Variants in GLI2 observed in about 807,000 individuals in gnomAD.
GLI2 encodes GLI family zinc finger 2.
Under a neutral mutation model 78.9 loss-of-function variants are expected in GLI2, and 22 were observed. The observed-to-expected ratio is 0.28, with a 90% CI of 0.20 to 0.40. The LOEUF (loss-of-function observed/expected upper bound fraction) is 0.40. Among genes scored for constraint, GLI2 ranks in the 10% least tolerant of loss-of-function variants. The pLI, the probability that GLI2 is intolerant of heterozygous loss-of-function variation, is 1.00. For synonymous variants in GLI2, 974 were observed against 963.7 expected (o/e 1.01, Z -0.20); for missense variants, 2,097 against 2,213.2 (o/e 0.95, Z 1.05).
intron 1 of GLI2, among the ~76,000 whole-genome samples, chr2:120,753,798 C>A (rs776503): frequency 6.6e-6 from 1 of 151,236 alleles, no homozygotes. Context: ...CTCGGGAGGC[C>A]GAGGCAGGAG....
At chr2:120,861,774 C>T (rs1558839802) in intron 2 of GLI2, among the ~76,000 whole-genome samples, 2 of 152,304 alleles carry the variant, frequency 1.3e-5, no homozygotes, top group Non-Finnish European at 2.9e-5. Context: ...AGAAATGTGA[C>T]TTCCCTGCCT....
At chr2:120,754,100 G>A (rs1453173924) in intron 1 of GLI2, among the ~76,000 whole-genome samples, 2 of 151,866 alleles carry the variant, frequency 1.3e-5, no homozygotes, top group East Asian at 3.9e-4. Context: ...ACCGTATAGG[G>A]TACATTATAA....
intron 2 of GLI2, among the ~76,000 whole-genome samples, chr2:120,812,660 C>T (rs967153680): frequency 2.0e-5 from 3 of 152,208 alleles, no homozygotes; most frequent in African/African-American, 7.2e-5. Flanking sequence ...CCCATGGTCT[C>T]TGTCTGGGGA....
intron 2 of GLI2, among the ~76,000 whole-genome samples, chr2:120,898,215 C>CACACACAA (rs1447294546): frequency 6.6e-5 from 10 of 150,936 alleles, no homozygotes; most frequent in African/African-American, 2.4e-4. Context: ...CACACACACA[C>CACACACAA]AAAATGATTG....
chr2:120,957,029 T>TG (rs977865571), intron 5 of GLI2, among the ~76,000 whole-genome samples: 2 of 152,228 alleles, frequency 1.3e-5, no homozygotes, highest in Admixed American at 1.3e-4. Flanking sequence ...CTTCACTCTT[T>TG]GCCTGGCCCA....
intron 2 of GLI2, among the ~76,000 whole-genome samples, chr2:120,879,508 G>A (rs922266995): frequency 1.3e-5 from 2 of 152,178 alleles, no homozygotes; most frequent in Admixed American, 1.3e-4. Flanking sequence ...TTCCTCACCC[G>A]TGCGTGGGGA....
intron 5 of GLI2, among the ~76,000 whole-genome samples, chr2:120,966,706 A>G (rs982697628): frequency 2.6e-5 from 4 of 152,206 alleles, no homozygotes; most frequent in African/African-American, 7.2e-5. Flanking sequence ...AGGGGCCAAC[A>G]TGGATCCCAG....
At chr2:120,814,146 A>T (rs1685387778) in intron 2 of GLI2, among the ~76,000 whole-genome samples, 1 of 152,100 alleles carries the variant, frequency 6.6e-6, no homozygotes, top group South Asian at 2.1e-4. Flanking sequence ...TGCACTCCAG[A>T]CCTGTTGCAC....
At chr2:120,900,628 C>T (rs1377832461) in intron 2 of GLI2, among the ~76,000 whole-genome samples, 1 of 152,224 alleles carries the variant, frequency 6.6e-6, no homozygotes, top group South Asian at 2.1e-4. Context: ...GAGGGGACAA[C>T]ACCCAGTTCC....
chr2:120,847,435 T>A (rs1316048908), intron 2 of GLI2, among the ~76,000 whole-genome samples: 1 of 152,142 alleles, frequency 6.6e-6, no homozygotes, highest in Non-Finnish European at 1.5e-5. Flanking sequence ...ACCATGCAGT[T>A]CTGGGAGAGA....
In GLI2 at chr2:120,992,007, T is replaced by TACAC. The variant is rs59277032; in HGVS notation, c.*1373_*1376dup. 0.21 allele frequency: 27,399 copies of TACAC among 129,840 alleles called. 3,167 individuals carry two copies. Among genetic ancestry groups the TACAC allele is most frequent in the Non-Finnish European group, 0.27 (16,542 of 61,360 alleles). The allele number at this position is 129,840 out of a possible 1,614,324, so 8.0% of individuals were successfully genotyped here. A position where few individuals can be genotyped will look rare whatever the true frequency, so the allele number is the denominator to read the frequency against. ...GTGAATTGGTGCATCTTCCCCACCA[T>TACAC]ACACACACACACACACACACACACA... On this transcript the variant is annotated 3_prime_UTR_variant, in exon 14 of 14. Coordinates refer to ENST00000361492, the MANE Select transcript of GLI2 (RefSeq NM_001374353.1).
Position 120,990,767 on chromosome 2 carries a change from T to C in GLI2, c.*92T>C. On this transcript the variant is annotated 3_prime_UTR_variant, in exon 14 of 14. Coordinates refer to ENST00000361492, the MANE Select transcript of GLI2 (RefSeq NM_001374353.1). The stretch of plus-strand genomic sequence containing the variant: ...GCTGTCTTGTCTTTTTCCAAAAAAG[T>C]GTTAAATAGGCTTGAGGGGTTGTTG... 4 of 1,127,830 alleles carry C rather than the reference T, an allele frequency of 3.5e-6. No homozygotes were observed. Among genetic ancestry groups the C allele is most frequent in the Non-Finnish European group, 5.1e-6 (4 of 787,506 alleles). 69.9% of individuals were successfully genotyped at this position (1,127,830 alleles called of 1,614,324 possible). A position where few individuals can be genotyped will look rare whatever the true frequency, so the allele number is the denominator to read the frequency against.
At chr2:120,984,214 C>T (rs1407310826) in intron 11 of GLI2, among the ~76,000 whole-genome samples, 2 of 152,164 alleles carry the variant, frequency 1.3e-5, no homozygotes, top group African/African-American at 2.4e-5. Context: ...GCACATGTGT[C>T]CCCAGCTTCT....
At chr2:120,879,195 G>T (rs1387003002) in intron 2 of GLI2, among the ~76,000 whole-genome samples, 1 of 152,152 alleles carries the variant, frequency 6.6e-6, no homozygotes, top group East Asian at 1.9e-4. Context: ...GTGCTTTCCT[G>T]GGGCCCAGCA....
chr2:120,947,267 A>G (rs897803694), intron 3 of GLI2, among the ~76,000 whole-genome samples: 5 of 152,180 alleles, frequency 3.3e-5, no homozygotes, highest in African/African-American at 1.2e-4. Context: ...TTGTGGTTCT[A>G]CCACCTGCTA....
At chr2:120,785,532 C>T (rs1229079908) in intron 1 of GLI2, among the ~76,000 whole-genome samples, 1 of 152,084 alleles carries the variant, frequency 6.6e-6, no homozygotes, top group Non-Finnish European at 1.5e-5. Flanking sequence ...CCAGGAGATG[C>T]CAGGGCCACA....
intron 1 of GLI2, among the ~76,000 whole-genome samples, chr2:120,778,381 C>T (rs1047085017): frequency 1.3e-5 from 2 of 152,212 alleles, no homozygotes; most frequent in Non-Finnish European, 2.9e-5. Flanking sequence ...CCCATCGTCG[C>T]TCCTGATTCA....
intron 2 of GLI2, among the ~76,000 whole-genome samples, chr2:120,901,213 G>A (rs1284721701): frequency 6.6e-6 from 1 of 152,206 alleles, no homozygotes; most frequent in Non-Finnish European, 1.5e-5. Flanking sequence ...AAGTCACTGT[G>A]TGTGTGTTTT....
rs1683282681 is a variant in GLI2 at position 120,991,206 on chromosome 2, G to A, written c.*531G>A. 1 of 156,126 alleles carries A rather than the reference G, an allele frequency of 6.4e-6. No individual in the cohort carries two copies. Among genetic ancestry groups the A allele is most frequent in the African/African-American group, 2.4e-5 (1 of 41,468 alleles). The allele number at this position is 156,126 out of a possible 1,614,324, so 9.7% of individuals were successfully genotyped here. A position where few individuals can be genotyped will look rare whatever the true frequency, so the allele number is the denominator to read the frequency against. On this transcript the variant is annotated 3_prime_UTR_variant, in exon 14 of 14. Transcript: ENST00000361492. ...GTCTCTAACATACCTTGTCATAGAG[G>A]AAAAGCACAGATTATACCTGGATGA... is the stretch of plus-strand genomic sequence containing the variant.
Sources: gnomAD v4.1 joint callset for allele counts (sites outside exome capture counted in the v4.1 genomes callset) on GRCh38, gnomAD v4.1.1 for gene constraint, MANE v1.5 for transcripts, NCBI Gene and HGNC (gene_info 2026-07-23, HGNC 2026-07-21) for gene names.